The following HS3ST5 variants were observed in gnomAD, a reference collection of about 807,000 sequenced individuals.
HS3ST5 encodes the protein heparan sulfate glucosamine 3-O-sulfotransferase 5.
In HS3ST5, 10 loss-of-function variants were observed where a neutral mutation model predicts 25.4. The ratio of observed to expected loss-of-function variants is 0.39; its 90% CI spans 0.24 to 0.67. The LOEUF (loss-of-function observed/expected upper bound fraction) is 0.67, where lower values mean the gene tolerates loss of function less well. Ranked by LOEUF, HS3ST5 falls within the 30% of genes least tolerant of loss-of-function variation. The probability of loss-of-function intolerance (pLI) is 0.44; values close to 1 mark genes in which losing one functional copy is unlikely to be tolerated. For missense variants in HS3ST5, 324 were observed against 420.7 expected (o/e 0.77, Z 2.01); for synonymous variants, 170 against 162.4 (o/e 1.05, Z -0.36).
At position 114,057,983 on chromosome 6, in the gene HS3ST5, G is replaced by A; in HGVS notation, c.315C>T (p.Ala105=). ...GATGTAGGTTCAGCATTTCAAGCAG[G>A]GCCCTTGTGCCTCCTTTCCTCACCC... ...IIGVRKGGTR[A]LLEMLNLHPA... is the part of the protein sequence containing the mutation. The change falls in exon 5 of 5, where the codon GCC becomes GCT. Residue 105 remains alanine, a synonymous_variant. Coordinates refer to ENST00000312719, the MANE Select transcript of HS3ST5 (RefSeq NM_153612.4). The A allele has an allele frequency of 6.2e-7, 1 of 1,614,170 alleles. No individual in the cohort carries two copies. The highest frequency in any genetic ancestry group is 8.5e-7 in the Non-Finnish European group (1 of 1,180,020).
chr6:114,278,294 G>A (rs2114727802), intron 1 of HS3ST5, among the ~76,000 whole-genome samples: 1 of 151,900 alleles, frequency 6.6e-6, no homozygotes, highest in East Asian at 1.9e-4. Flanking sequence ...TTGAATGTAG[G>A]CAATTTAAAG....
intron 3 of HS3ST5, among the ~76,000 whole-genome samples, chr6:114,092,227 A>G (rs1235205973): frequency 6.6e-6 from 1 of 152,174 alleles, no homozygotes; most frequent in Non-Finnish European, 1.5e-5. Context: ...ACCCATGCCT[A>G]CCTCTAGGAA....
intron 2 of HS3ST5, among the ~76,000 whole-genome samples, chr6:114,170,293 A>G (rs1779417036): frequency 2.6e-5 from 4 of 152,034 alleles, no homozygotes; most frequent in Admixed American, 2.6e-4. Context: ...ACAAATGTAA[A>G]TATAGAGTAT....
At chr6:114,100,295 C>T (rs987529003) in intron 3 of HS3ST5, among the ~76,000 whole-genome samples, 2 of 152,160 alleles carry the variant, frequency 1.3e-5, no homozygotes, top group South Asian at 2.1e-4. Flanking sequence ...AGATTGCAGA[C>T]GATAGAGAGG....
chr6:114,276,466 C>T (rs1471417669), intron 1 of HS3ST5, among the ~76,000 whole-genome samples: 1 of 151,784 alleles, frequency 6.6e-6, no homozygotes, highest in Admixed American at 6.6e-5. Context: ...CAATGGGTAA[C>T]TCATGCTTTT....
Position 114,342,957 on chromosome 6 carries a change from G to C in HS3ST5, c.-1101C>G, listed in dbSNP as rs951678841. 6.6e-6 allele frequency: 1 copy of C among 152,524 alleles called. No homozygotes were observed. The highest frequency in any genetic ancestry group is 2.1e-4 in the South Asian group (1 of 4,830). The allele number at this position is 152,524 out of a possible 1,614,324, so 9.4% of individuals were successfully genotyped here. A position where few individuals can be genotyped will look rare whatever the true frequency, so the allele number is the denominator to read the frequency against. ...TGTGTGCGCGTGTGTGTGTCTAAGC[G>C]AATCTCTTCCCCTCCATCACTTGGG... On this transcript the variant is annotated 5_prime_UTR_variant, in exon 1 of 5. Transcript: ENST00000312719.
At chr6:114,282,518 T>C (rs1774160478) in intron 1 of HS3ST5, among the ~76,000 whole-genome samples, 1 of 152,018 alleles carries the variant, frequency 6.6e-6, no homozygotes. Context: ...AGGATACAGC[T>C]GCCTCCATGT....
At chr6:114,059,828 A>ACTAATACACT (rs1331863129) in intron 4 of HS3ST5, 1 of 152,206 alleles carries the variant, frequency 6.6e-6, no homozygotes, top group East Asian at 1.9e-4. Flanking sequence ...GTGAAAACGG[A>ACTAATACACT]CTAATACACT....
intron 1 of HS3ST5, among the ~76,000 whole-genome samples, chr6:114,232,862 C>T (rs1771665361): frequency 6.6e-6 from 1 of 152,112 alleles, no homozygotes; most frequent in Non-Finnish European, 1.5e-5. Context: ...CTGTTTCCCT[C>T]CAGTATATTT....
chr6:114,135,508 C>G (rs1259251719), intron 3 of HS3ST5, among the ~76,000 whole-genome samples: 1 of 152,176 alleles, frequency 6.6e-6, no homozygotes, highest in African/African-American at 2.4e-5. Flanking sequence ...AGAACCGGAG[C>G]TGGAACAGAC....
At position 114,176,432 on chromosome 6, in the gene HS3ST5, C is replaced by A. The variant is rs977403396; in HGVS notation, c.-144-7970G>T. Among the ~76,000 whole-genome samples, 5 of 152,176 alleles carry A rather than the reference C, an allele frequency of 3.3e-5. No individual in the cohort carries two copies. In the South Asian group the frequency reaches 6.3e-4, roughly 19 times the overall value. On this transcript the variant is annotated intron_variant, in intron 2 of 4. Transcript: ENST00000312719. Reference sequence around the variant, plus strand: ...ATGCTGTCGAAAATAAAAATGGGTACCTTGTAGGAAAAAGCCACTTGTATC... The same window carrying A: ...ATGCTGTCGAAAATAAAAATGGGTAACTTGTAGGAAAAAGCCACTTGTATC...
At chr6:114,161,567 AT>A (rs1778971820) in intron 3 of HS3ST5, among the ~76,000 whole-genome samples, 2 of 103,548 alleles carry the variant, frequency 1.9e-5, no homozygotes, top group Admixed American at 9.9e-5. Flanking sequence ...ATATATATAT[AT>A]ATATATAAAA....
chr6:114,224,461 G>A (rs182789758), intron 2 of HS3ST5, among the ~76,000 whole-genome samples: 43 of 151,122 alleles, frequency 2.8e-4, no homozygotes, highest in African/African-American at 1.0e-3. Flanking sequence ...TATCTCTTTA[G>A]AATGTTTACT....
intron 1 of HS3ST5, among the ~76,000 whole-genome samples, chr6:114,256,529 T>C (rs890756963): frequency 2.0e-5 from 3 of 152,100 alleles, no homozygotes; most frequent in Non-Finnish European, 4.4e-5. Context: ...GTTCCACACA[T>C]CTCTAGGGCA....
chr6:114,163,751 A>G (rs1361207769), intron 3 of HS3ST5, among the ~76,000 whole-genome samples: 1 of 152,188 alleles, frequency 6.6e-6, no homozygotes, highest in African/African-American at 2.4e-5. Context: ...GGTAGCTACT[A>G]TTACTTAACT....
chr6:114,166,765 C>A (rs1364115064), intron 3 of HS3ST5, among the ~76,000 whole-genome samples: 1 of 152,084 alleles, frequency 6.6e-6, no homozygotes, highest in Non-Finnish European at 1.5e-5. Context: ...TTTTCTCCCT[C>A]CTTTTCCTTC....
At chr6:114,241,524 C>T (rs1370258013) in intron 1 of HS3ST5, among the ~76,000 whole-genome samples, 1 of 152,122 alleles carries the variant, frequency 6.6e-6, no homozygotes, top group African/African-American at 2.4e-5. Flanking sequence ...ACTTTTTTAT[C>T]ATAAAATGTT....
chr6:114,175,017 G>A (rs979723640), intron 2 of HS3ST5, among the ~76,000 whole-genome samples: 2 of 152,062 alleles, frequency 1.3e-5, no homozygotes, highest in African/African-American at 2.4e-5. Flanking sequence ...GTGCAAGGTA[G>A]ATAATAGGAG....
intron 3 of HS3ST5, among the ~76,000 whole-genome samples, chr6:114,103,242 G>T (rs1243833967): frequency 6.6e-6 from 1 of 152,134 alleles, no homozygotes; most frequent in Non-Finnish European, 1.5e-5. Context: ...TTGGGAGGCT[G>T]AGGCAGGAAG....
Sources: gnomAD v4.1 joint callset for allele counts (sites outside exome capture counted in the v4.1 genomes callset) on GRCh38, gnomAD v4.1.1 for gene constraint, MANE v1.5 for transcripts, NCBI Gene and HGNC (gene_info 2026-07-23, HGNC 2026-07-21) for gene names.